The following MORC1 variants were observed in gnomAD, a reference collection of about 807,000 sequenced individuals.
MORC1 encodes the protein MORC family CW-type zinc finger protein 1.
MORC1 carries 59 observed loss-of-function variants against 134.9 expected under a neutral mutation model. The observed-to-expected ratio is 0.44, with a 90% CI of 0.35 to 0.54. MORC1 has a LOEUF of 0.54. Among genes scored for constraint, MORC1 ranks in the 20% least tolerant of loss-of-function variants. The pLI, the probability that MORC1 is intolerant of heterozygous loss-of-function variation, is 0.00. For missense variants in MORC1, 947 were observed against 1,134.5 expected (o/e 0.83, Z 2.37); for synonymous variants, 395 against 391.7 (o/e 1.01, Z -0.10).
intron 14 of MORC1, among the ~76,000 whole-genome samples, chr3:109,039,886 C>CT (rs973087646): frequency 4.0e-5 from 6 of 151,830 alleles, no homozygotes; most frequent in Non-Finnish European, 5.9e-5. Context: ...GGACTGGTGT[C>CT]TTTTTTTTAC....
At chr3:109,044,560 A>G (rs1220423706) in intron 14 of MORC1, among the ~76,000 whole-genome samples, 1 of 150,582 alleles carries the variant, frequency 6.6e-6, no homozygotes, top group Non-Finnish European at 1.5e-5. Flanking sequence ...TCCACCTCAA[A>G]AAAAAAAAGG....
rs1950822488 is a variant in MORC1, at chr3:109,095,877, T to C, written c.424-809A>G. 2.0e-5 allele frequency among the ~76,000 whole-genome samples: 3 copies of C among 152,072 alleles called. No homozygotes were observed. The South Asian group carries it at 6.2e-4, about 32-fold the overall frequency. Reference sequence around the variant, plus strand: ...TTAGATCACATTATTGTGACAATCATAGCAGCCAGGCCCCACTCACAGTCT... The same window carrying C: ...TTAGATCACATTATTGTGACAATCACAGCAGCCAGGCCCCACTCACAGTCT... On this transcript the variant is annotated intron_variant, in intron 6 of 27. Transcript: ENST00000232603.
At chr3:109,025,748 T>C (rs1054320615) in intron 17 of MORC1, among the ~76,000 whole-genome samples, 30 of 152,188 alleles carry the variant, frequency 2.0e-4, no homozygotes, top group African/African-American at 7.2e-4. Flanking sequence ...TCTATTGCAG[T>C]GTCAGTTACA....
chr3:109,038,215 T>C (rs1949424873), intron 14 of MORC1, among the ~76,000 whole-genome samples: 1 of 152,182 alleles, frequency 6.6e-6, no homozygotes, highest in African/African-American at 2.4e-5. Context: ...ATTTTTTCAT[T>C]TGTCTGTTGT....
chr3:108,993,984 C>G (rs1948132674), intron 21 of MORC1, among the ~76,000 whole-genome samples: 1 of 152,044 alleles, frequency 6.6e-6, no homozygotes, highest in African/African-American at 2.4e-5. Flanking sequence ...TATAACATAC[C>G]ATGAAGGCCC....
chr3:108,977,559 A>C (rs1307217525), intron 24 of MORC1, among the ~76,000 whole-genome samples: 1 of 152,146 alleles, frequency 6.6e-6, no homozygotes, highest in African/African-American at 2.4e-5. Context: ...ACTTGTAGTA[A>C]TGTCCGAATA....
chr3:108,968,384 T>G (rs972720292), intron 26 of MORC1, among the ~76,000 whole-genome samples: 1 of 152,224 alleles, frequency 6.6e-6, no homozygotes, highest in Non-Finnish European at 1.5e-5. Flanking sequence ...TTGTTAAATT[T>G]AGGCCCAGTC....
chr3:109,069,561 G>T, intron 9 of MORC1, 71 bp downstream of exon 9: 1 of 1,398,388 alleles, frequency 7.2e-7, no homozygotes. Context: ...TCCTCACTTT[G>T]ACAACTTTGG....
intron 27 of MORC1, 122 bp from the exon 28 acceptor site, chr3:108,959,242 T>G: frequency 1.4e-6 from 1 of 729,840 alleles, no homozygotes; most frequent in Non-Finnish European, 2.1e-6. Flanking sequence ...ACCTTACATT[T>G]GAATCATGCT....
rs3834795 is a variant in MORC1, at chr3:109,035,498, AC to A, written c.1331-31del. 4.1e-3 allele frequency: 5,483 copies of A among 1,341,824 alleles called. 12 individuals are homozygous for A. Among genetic ancestry groups the A allele is most frequent in the Non-Finnish European group, 5.0e-3 (4,956 of 999,904 alleles). The allele number at this position is 1,341,824 out of a possible 1,614,324, so 83.1% of individuals were successfully genotyped here. ...TAAAAAAAAAAGCAGGCAAAGAATAACAAAAAAAAATCATTAAAATCAAAAC... is the reference window on the plus strand; with the variant it reads ...TAAAAAAAAAAGCAGGCAAAGAATAAAAAAAAAAATCATTAAAATCAAAAC... On this transcript the variant is annotated intron_variant, in intron 14 of 27. Coordinates refer to ENST00000232603, the MANE Select transcript of MORC1 (RefSeq NM_014429.4).
rs201640201 is a variant in MORC1, at chr3:109,061,959, A to G, written c.966+29T>C. ...AAGCAAATGACACAATTTGCCATTTAATAAGACTACTCTCTTTACATGTCG... is the reference window on the plus strand; with the variant it reads ...AAGCAAATGACACAATTTGCCATTTGATAAGACTACTCTCTTTACATGTCG... On this transcript the variant is annotated intron_variant, in intron 11 of 27. Coordinates refer to ENST00000232603, the MANE Select transcript of MORC1 (RefSeq NM_014429.4). 3.9e-5 allele frequency: 62 copies of G among 1,602,608 alleles called. No individual in the cohort carries two copies. The East Asian group carries it at 1.3e-3, about 35-fold the overall frequency.
At chr3:109,108,005 T>C (rs928812422) in intron 3 of MORC1, among the ~76,000 whole-genome samples, 8 of 152,150 alleles carry the variant, frequency 5.3e-5, no homozygotes, top group Non-Finnish European at 8.8e-5. Flanking sequence ...GAGACCAGCC[T>C]GGCCAACATG....
intron 14 of MORC1, among the ~76,000 whole-genome samples, chr3:109,048,820 G>C (rs925508450): frequency 5.9e-5 from 9 of 151,818 alleles, no homozygotes; most frequent in African/African-American, 2.2e-4. Context: ...CTGCATTAGG[G>C]CCCACCCAAA....
rs539334600 is a variant in MORC1 at position 109,053,672 on chromosome 3, T to C, written c.1330+1056A>G. On this transcript the variant is annotated intron_variant, in intron 14 of 27. Transcript: ENST00000232603. ...GGCTGAAAAACTACCTATTGGGTAC[T>C]ATGCTCAACACCAGGGTGACAAGTT... 2.0e-5 allele frequency among the ~76,000 whole-genome samples: 3 copies of C among 152,308 alleles called. No homozygotes were observed. The South Asian group carries it at 6.2e-4, about 32-fold the overall frequency.
intron 5 of MORC1, 96 bp downstream of exon 5, chr3:109,100,321 A>G: frequency 1.0e-6 from 1 of 981,840 alleles, no homozygotes; most frequent in Non-Finnish European, 1.6e-6. Flanking sequence ...TATATTTTTT[A>G]AAGCTTTACA....
chr3:109,067,525 T>A (rs78598352), intron 9 of MORC1, among the ~76,000 whole-genome samples: 2,299 of 152,242 alleles, frequency 0.015, 35 homozygotes, highest in Non-Finnish European at 0.025. Flanking sequence ...TTACTAAAAC[T>A]CCCTCAGAAA....
chr3:108,991,274 T>C (rs576096505), intron 21 of MORC1, among the ~76,000 whole-genome samples: 2 of 152,332 alleles, frequency 1.3e-5, no homozygotes, highest in South Asian at 4.1e-4. Context: ...AGATGATTTA[T>C]AGGAGTACCG....
intron 14 of MORC1, among the ~76,000 whole-genome samples, chr3:109,040,012 A>G (rs1046429698): frequency 1.3e-5 from 2 of 152,062 alleles, no homozygotes; most frequent in Admixed American, 6.6e-5. Context: ...GTCCAGGCAA[A>G]GGCACAGGCT....
At chr3:109,093,321 G>T in intron 8 of MORC1, 115 bp downstream of exon 8, 1 of 707,684 alleles carries the variant, frequency 1.4e-6, no homozygotes, top group Non-Finnish European at 2.4e-6. Context: ...ACTAGGGTAA[G>T]ATGAATTGTC....
Sources: allele counts gnomAD v4.1 joint callset (sites outside exome capture counted in the v4.1 genomes callset), GRCh38; gene constraint gnomAD v4.1.1; transcripts MANE v1.5; gene names NCBI Gene and HGNC (gene_info 2026-07-23, HGNC 2026-07-21).